The following LILRA6 variants were observed in gnomAD, a reference collection of about 807,000 sequenced individuals.
LILRA6 encodes the protein leukocyte immunoglobulin like receptor A6.
LILRA6 carries 16 observed loss-of-function variants against 53.9 expected under a neutral mutation model. The ratio of observed to expected loss-of-function variants is 0.30; its 90% CI spans 0.20 to 0.45. The LOEUF (loss-of-function observed/expected upper bound fraction) is 0.45, where lower values mean the gene tolerates loss of function less well. Among genes scored for constraint, LILRA6 ranks in the 20% least tolerant of loss-of-function variants. The pLI, the probability that LILRA6 is intolerant of heterozygous loss-of-function variation, is 1.00. For missense variants in LILRA6, 306 were observed against 618.6 expected, an observed-to-expected ratio of 0.49 and a Z score of 5.36; for synonymous variants, 135 against 256.4, an observed-to-expected ratio of 0.53 and a Z score of 4.52.
rs199798853 is a variant in LILRA6 at position 54,242,565 on chromosome 19, A to G, written c.35-11T>C. The G allele has an allele frequency of 1.2e-3, 1,232 of 1,067,810 alleles. 340 individuals are homozygous for G. The highest frequency in any genetic ancestry group is 1.7e-3 in the Middle Eastern group (5 of 2,948). 66.1% of individuals were successfully genotyped at this position (1,067,810 alleles called of 1,614,324 possible). ...GGCCCAGACTCAGCCCTGGAAGAGA[A>G]TTCCCTGTGAGGCATTTGCCCTGAA... On this transcript the variant is annotated splice_polypyrimidine_tract_variant and intron_variant, in intron 1 of 7. Coordinates refer to ENST00000396365, the Ensembl canonical transcript of LILRA6.
chr19:54,242,436 G>A lies in LILRA6; in HGVS notation c.70+83C>T, dbSNP rs1399105302. On this transcript the variant is annotated intron_variant, in intron 2 of 7. Transcript: ENST00000396365. ...TACTGTCTCCTCCCCACCCAGAACTGCTGTCTCCTCCCCCAGCTGCCCATG... is the reference window on the plus strand; with the variant it reads ...TACTGTCTCCTCCCCACCCAGAACTACTGTCTCCTCCCCCAGCTGCCCATG... 1.2e-4 allele frequency: 132 copies of A among 1,073,156 alleles called. 44 individuals carry two copies. In the Admixed American group the frequency reaches 1.6e-3, roughly 13 times the overall value. 66.5% of individuals were successfully genotyped at this position (1,073,156 alleles called of 1,614,324 possible).
downstream of LILRA6, chr19:54,237,439 G>A (rs1426495286): frequency 1.3e-5 from 2 of 150,884 alleles, no homozygotes; most frequent in Non-Finnish European, 2.9e-5. Context: ...CACATTGCAT[G>A]GATGAATCAG....
At chr19:54,241,221 T>G (rs151318130) in intron 4 of LILRA6, 94 bp from the exon 5 acceptor site, 7 of 1,228,412 alleles carry the variant, frequency 5.7e-6, no homozygotes, top group East Asian at 2.6e-5. Context: ...CTGTCTCTCA[T>G]GCTCTGAGTC....
exon 8 of LILRA6, chr19:54,238,779 G>A: frequency 8.6e-7 from 1 of 1,162,406 alleles, no homozygotes; most frequent in Non-Finnish European, 1.2e-6. Flanking sequence ...ACATAGATTG[G>A]AAGTAAGGTG....
At chr19:54,241,248 C>A in intron 4 of LILRA6, 121 bp from the exon 5 acceptor site, 1 of 1,269,062 alleles carries the variant, frequency 7.9e-7, no homozygotes, top group Non-Finnish European at 1.1e-6. Context: ...CCCAGGGCCT[C>A]CTTCTCACCC....
Position 54,241,830 on chromosome 19 carries a change from G to A in LILRA6, c.404C>T (p.Ala135Val). 3.0e-6 allele frequency: 4 copies of A among 1,325,288 alleles called. 1 individual carries two copies. In the South Asian group the frequency reaches 4.5e-5, roughly 15 times the overall value. The allele number at this position is 1,325,288 out of a possible 1,614,324, so 82.1% of individuals were successfully genotyped here. A position where few individuals can be genotyped will look rare whatever the true frequency, so the allele number is the denominator to read the frequency against. ...TTGGAGGGTCATATTCCCCCCTGAG[G>A]CCACCACAGGGCTGGGCAGGGCTGA... Residue 135 changes from alanine to valine, a missense_variant, in exon 4 of 8, where the codon GCC (alanine) becomes GTC (valine). Transcript: ENST00000396365.
chr19:54,238,856 T>C, exon 8 of LILRA6: 2 of 1,535,196 alleles, frequency 1.3e-6, no homozygotes, highest in Admixed American at 2.1e-5. Flanking sequence ...CTCACCCCCC[T>C]CTGGAGGTCC....
At position 54,241,401 on chromosome 19, in the gene LILRA6, G is replaced by A. The variant is rs111856686; in HGVS notation, c.658+175C>T. On this transcript the variant is annotated intron_variant, in intron 4 of 7. Coordinates refer to ENST00000396365, the Ensembl canonical transcript of LILRA6. ...CTGAGTCCTCCCCGTTCAGGTGAGC[G>A]TGGCTGAGGGCTCCTCCTCCCATGT... 28 of 1,046,658 alleles carry A rather than the reference G, an allele frequency of 2.7e-5. 7 individuals carry two copies. In the East Asian group the frequency reaches 4.1e-4, roughly 15 times the overall value. The allele number at this position is 1,046,658 out of a possible 1,614,324, so 64.8% of individuals were successfully genotyped here.
exon 8 of LILRA6, chr19:54,238,556 C>G: frequency 4.8e-6 from 1 of 210,354 alleles, no homozygotes; most frequent in Non-Finnish European, 9.3e-6. Context: ...AGATTTTGTT[C>G]CAGAACCTCC....
At chr19:54,236,741 C>G (rs916298078), downstream of LILRA6, 1 of 150,838 alleles carries the variant, frequency 6.6e-6, no homozygotes, top group Non-Finnish European at 1.5e-5. Context: ...GAAATTGTAC[C>G]ATGTTCAGCA....
chr19:54,239,087 A>C lies in LILRA6; in HGVS notation c.1312T>G (p.Ser438Ala), dbSNP rs377019910. 23 of 1,611,088 alleles carry C rather than the reference A, an allele frequency of 1.4e-5. No homozygotes were observed. In the African/African-American group the frequency reaches 2.9e-4, roughly 20 times the overall value. ...TCCACTGTGTAATCCTTGGCGTGTG[A>C]GGCTGGGGATGGTGGGCAAAGAGGT... The change falls in exon 8 of 8, where the codon TCA (serine) becomes GCA (alanine). Residue 438 changes from serine (S) to alanine (A), a missense_variant and splice_region_variant. By Grantham distance (99) the Ser-to-Ala change is moderately conservative (BLOSUM62 1). Around this residue, in one of 9 missense-constraint regions of LILRA6, gnomAD observed 59 missense variants for 58.6 expected, o/e 1.01. Coordinates refer to ENST00000396365, the Ensembl canonical transcript of LILRA6.
At chr19:54,238,749 G>C in exon 8 of LILRA6, 2 of 885,734 alleles carry the variant, frequency 2.3e-6, no homozygotes, top group Non-Finnish European at 3.2e-6. Context: ...TTTTCCGTGG[G>C]TCTCAACTGG....
rs78401423 is a variant in LILRA6 at position 54,240,341 on chromosome 19, G to A, written c.1191C>T (p.Tyr397=). ...GGTGGGGGTTGGAGCTGTATGAGCC[G>A]TAGCACCTGTAGGTCCCCGCGTGGG... Residue 397 remains tyrosine, a synonymous_variant, in exon 6 of 8, where the codon TAC becomes TAT. Coordinates refer to ENST00000396365, the Ensembl canonical transcript of LILRA6. 247 of 1,604,534 alleles carry A rather than the reference G, an allele frequency of 1.5e-4. 6 individuals are homozygous for A. Among genetic ancestry groups the A allele is most frequent in the Admixed American group, 3.0e-4 (18 of 59,896 alleles).
chr19:54,240,398 C>G (rs1322662620), exon 6 of LILRA6: 45 of 1,608,242 alleles, frequency 2.8e-5, no homozygotes, highest in African/African-American at 4.0e-5. Flanking sequence ...GGAATTCAGC[C>G]TGGTACTTAT....
chr19:54,239,455 G>GGA, intron 7 of LILRA6: 2 of 619,806 alleles, frequency 3.2e-6, no homozygotes, highest in Admixed American at 6.7e-5. Flanking sequence ...TTTCAACGCT[G>GGA]CTCCTGAGCC....
chr19:54,242,083 A>T, exon 3 of LILRA6: 1 of 1,401,836 alleles, frequency 7.1e-7, no homozygotes, highest in African/African-American at 1.7e-5. Context: ...GAGCTGTAAT[A>T]GTGGCAGCGG....
intron 7 of LILRA6, 104 bp from the exon 8 acceptor site, chr19:54,239,193 A>T: frequency 5.1e-6 from 8 of 1,579,612 alleles, no homozygotes; most frequent in Non-Finnish European, 6.9e-6. Flanking sequence ...CATTGACAGA[A>T]CCTGACCCTC....
At chr19:54,240,186 C>T (rs2078713725) in intron 6 of LILRA6, 88 bp downstream of exon 6, 1 of 1,554,680 alleles carries the variant, frequency 6.4e-7, no homozygotes, top group Admixed American at 1.8e-5. Flanking sequence ...CACAGCCTCC[C>T]TCGGTCCATC....
At chr19:54,239,619 A>T in intron 7 of LILRA6, 3 of 1,056,656 alleles carry the variant, frequency 2.8e-6, no homozygotes, top group Non-Finnish European at 3.9e-6. Context: ...CCAGGGAGTC[A>T]CTGGCCTGAC....
Sources: gnomAD v4.1 joint callset for allele counts on GRCh38, gnomAD v4.1.1 for gene constraint, gnomAD v4.1.1 regional missense constraint, MANE v1.5 for transcripts, NCBI Gene and HGNC (gene_info 2026-07-23, HGNC 2026-07-21) for gene names.